TRAF2: variants seen among roughly 807,000 people sequenced by gnomAD.
The protein encoded by TRAF2 is TNF receptor-associated factor 2.
A neutral mutation model predicts 55.6 loss-of-function variants in TRAF2; 6 were observed. That is an observed-to-expected ratio of 0.11 (90% confidence interval 0.06 to 0.21). The LOEUF (loss-of-function observed/expected upper bound fraction) is 0.21, where lower values mean the gene tolerates loss of function less well. Ranked by LOEUF, TRAF2 falls within the 10% of genes least tolerant of loss-of-function variation. TRAF2 has a pLI of 1.00. For synonymous variants in TRAF2, 329 were observed against 276.3 expected, an observed-to-expected ratio of 1.19 and a Z score of -1.89; for missense variants, 561 against 684.5, an observed-to-expected ratio of 0.82 and a Z score of 2.01.
intron 1 of TRAF2, among the ~76,000 whole-genome samples, chr9:136,891,813 C>A (rs2131277452): frequency 6.6e-6 from 1 of 151,786 alleles, no homozygotes; most frequent in Non-Finnish European, 1.5e-5. Context: ...CCTCTGCCTC[C>A]CAGGTTCAAG....
chr9:136,925,012 T>C lies in TRAF2; in HGVS notation c.1288-671T>C, dbSNP rs191090879. On this transcript the variant is annotated intron_variant, in intron 10 of 10. Coordinates refer to ENST00000247668, the MANE Select transcript of TRAF2 (RefSeq NM_021138.4). ...TTGGCCTCCCAAAGTGCTGGGATTG[T>C]AGGCGTGAGCCACTGTGCCTGGCCT... Among the ~76,000 whole-genome samples the C allele has an allele frequency of 8.2e-3, 1,244 of 152,312 alleles. 9 individuals carry two copies. The highest frequency in any genetic ancestry group is 0.051 in the Middle Eastern group (15 of 294).
intron 4 of TRAF2, chr9:136,900,735 G>A (rs767685022): frequency 5.1e-6 from 3 of 590,880 alleles, no homozygotes; most frequent in Admixed American, 5.2e-5. Context: ...TGGAGCTTGG[G>A]CTGTGTGACC....
intron 1 of TRAF2, among the ~76,000 whole-genome samples, chr9:136,897,799 G>A (rs58470993): frequency 0.012 from 362 of 30,520 alleles, no homozygotes; most frequent in Middle Eastern, 0.023. Context: ...GGTGTGCTAC[G>A]TTCCGCTCTC....
At chr9:136,914,530 C>A (rs771934348) in intron 6 of TRAF2, among the ~76,000 whole-genome samples, 6 of 152,230 alleles carry the variant, frequency 3.9e-5, no homozygotes, top group Non-Finnish European at 8.8e-5. Context: ...GAAAATACTT[C>A]AGTGACAGCA....
At position 136,923,937 on chromosome 9, in the gene TRAF2, C is replaced by T. The variant is rs1168108785; in HGVS notation, c.1224C>T (p.Ser408=). ...GCACCGGGCGAGGAACACACCTGTC[C>T]CTCTTCTTTGTGGTGATGAAGGGCC... is the stretch of plus-strand genomic sequence containing the variant. ...GDGTGRGTHL[S]LFFVVMKGPN... is the part of the protein sequence containing the mutation. The change falls in exon 10 of 11, where the codon TCC becomes TCT. Residue 408 remains serine, a synonymous_variant. Coordinates refer to ENST00000247668, the MANE Select transcript of TRAF2 (RefSeq NM_021138.4). 5.6e-6 allele frequency: 9 copies of T among 1,614,076 alleles called. No individual in the cohort carries two copies. The South Asian group carries it at 6.6e-5, about 12-fold the overall frequency.
intron 4 of TRAF2, among the ~76,000 whole-genome samples, chr9:136,901,424 C>G (rs1284831971): frequency 2.0e-5 from 3 of 152,194 alleles, no homozygotes; most frequent in Non-Finnish European, 1.5e-5. Flanking sequence ...GGATATGATT[C>G]AGCCTTAAAA....
At chr9:136,895,337 G>C (rs1197162649) in intron 1 of TRAF2, among the ~76,000 whole-genome samples, 1 of 152,182 alleles carries the variant, frequency 6.6e-6, no homozygotes, top group Non-Finnish European at 1.5e-5. Flanking sequence ...AGTGACCTAA[G>C]GCTTCCGGGA....
At chr9:136,886,601 TCGGGCGCGGGGTCGGGCGCAGGCG>T in intron 1 of TRAF2, 60 bp downstream of exon 1, 1 of 933,250 alleles carries the variant, frequency 1.1e-6, no homozygotes. Flanking sequence ...GGGTGCGGGG[TCGGGCGCGGGGTCGGGCGCAGGCG>T]CGGGCACCTC....
At chr9:136,910,714 C>A (rs1358007531) in intron 6 of TRAF2, among the ~76,000 whole-genome samples, 1 of 152,210 alleles carries the variant, frequency 6.6e-6, no homozygotes, top group Non-Finnish European at 1.5e-5. Flanking sequence ...GCTGGCCAGG[C>A]CTGCCCGCGG....
At chr9:136,884,704 G>A (rs765796599), upstream of TRAF2, among the ~76,000 whole-genome samples, 2 of 152,228 alleles carry the variant, frequency 1.3e-5, no homozygotes, top group Non-Finnish European at 2.9e-5. Context: ...CTACAGGTGT[G>A]CAGCACCACA....
At chr9:136,886,508 G>C (rs1209665650), upstream of TRAF2, 12 of 998,436 alleles carry the variant, frequency 1.2e-5, no homozygotes, top group Admixed American at 6.1e-5. Context: ...GTAGCTGGGC[G>C]GGCCCTTAGT....
At chr9:136,882,165 G>A (rs376338527), upstream of TRAF2, 1 of 545,120 alleles carries the variant, frequency 1.8e-6, no homozygotes, top group Non-Finnish European at 2.3e-6. Flanking sequence ...CAAGACCTGA[G>A]TAAAAGGACA....
chr9:136,917,851 T>C (rs1034260136), intron 7 of TRAF2, among the ~76,000 whole-genome samples: 4 of 152,110 alleles, frequency 2.6e-5, no homozygotes, highest in African/African-American at 9.7e-5. Flanking sequence ...AGGCTTCCCG[T>C]GCGGGAGGTT....
intron 4 of TRAF2, among the ~76,000 whole-genome samples, chr9:136,905,973 C>T (rs1171184742): frequency 6.6e-6 from 1 of 152,062 alleles, no homozygotes; most frequent in Non-Finnish European, 1.5e-5. Flanking sequence ...GGTGTGGTGG[C>T]GGGCGCCCGT....
At chr9:136,906,692 C>T (rs1849961228) in intron 4 of TRAF2, among the ~76,000 whole-genome samples, 1 of 152,210 alleles carries the variant, frequency 6.6e-6, no homozygotes, top group Non-Finnish European at 1.5e-5. Context: ...TTCTGTACCT[C>T]ACCAGCCCCT....
At chr9:136,899,880 C>T (rs537480126) in intron 3 of TRAF2, among the ~76,000 whole-genome samples, 1 of 151,646 alleles carries the variant, frequency 6.6e-6, no homozygotes, top group African/African-American at 2.4e-5. Flanking sequence ...AAAAACTTAC[C>T]AGGGGCCGGG....
chr9:136,900,420 A>G lies in TRAF2; in HGVS notation c.268-2A>G. On this transcript the variant is annotated splice_acceptor_variant, in intron 3 of 10. Coordinates refer to ENST00000247668, the MANE Select transcript of TRAF2 (RefSeq NM_021138.4). LOFTEE classifies it high-confidence loss of function. Reference sequence around the variant, plus strand: ...TAACCCGAGGGATATTCCTCTCCCCAGGCCTTCCCAGATAATGCTGCCCGC... The same window carrying G: ...TAACCCGAGGGATATTCCTCTCCCCGGGCCTTCCCAGATAATGCTGCCCGC... 1 of 1,591,626 alleles carries G rather than the reference A, an allele frequency of 6.3e-7. No individual in the cohort carries two copies. Among genetic ancestry groups the G allele is most frequent in the East Asian group, 2.2e-5 (1 of 44,704 alleles).
intron 9 of TRAF2, among the ~76,000 whole-genome samples, 191 bp downstream of exon 9, chr9:136,921,406 TCGG>T (rs1165005842): frequency 9.9e-5 from 15 of 152,166 alleles, no homozygotes; most frequent in Non-Finnish European, 2.1e-4. Flanking sequence ...GTGGGTGCCC[TCGG>T]GCAGGGGTCG....
chr9:136,914,492 C>T (rs1268626332), intron 6 of TRAF2, among the ~76,000 whole-genome samples: 1 of 152,258 alleles, frequency 6.6e-6, no homozygotes, highest in African/African-American at 2.4e-5. Context: ...CCTGCCTCCA[C>T]TTCTTCCCGC....
Sources: allele counts gnomAD v4.1 joint callset (sites outside exome capture counted in the v4.1 genomes callset), GRCh38; gene constraint gnomAD v4.1.1; transcripts MANE v1.5; gene names NCBI Gene and HGNC (gene_info 2026-07-23, HGNC 2026-07-21).